NBN: variants seen among roughly 807,000 people sequenced by gnomAD.
NBN encodes nibrin, also known as Nijmegen breakage syndrome 1 (nibrin).
NBN carries 88 observed loss-of-function variants against 90.8 expected under a neutral mutation model. The observed-to-expected ratio is 0.97, with a 90% CI of 0.82 to 1.16. The LOEUF is 1.16. NBN is among the 50% of genes most tolerant of loss of function. The pLI is 0.00. For synonymous variants in NBN, 328 were observed against 295.1 expected, an observed-to-expected ratio of 1.11 and a Z score of -1.14; for missense variants, 894 against 869.6, an observed-to-expected ratio of 1.03 and a Z score of -0.35.
intron 3 of NBN, 50 bp from the exon 4 acceptor site, chr8:89,980,943 A>C: frequency 6.4e-7 from 1 of 1,553,294 alleles, no homozygotes; most frequent in Non-Finnish European, 8.8e-7. Context: ...AGTTGCAGAG[A>C]TGGCAATTTT....
chr8:89,982,295 A>T (rs980089661), intron 2 of NBN: 31 of 268,074 alleles, frequency 1.2e-4, no homozygotes, highest in Non-Finnish European at 1.9e-4. Context: ...ACACAGCTAC[A>T]TAACCTCTTT....
In NBN at chr8:89,935,406, C is replaced by T. The variant is rs565030924; in HGVS notation, c.*176G>A. 1 of 693,430 alleles carries T rather than the reference C, an allele frequency of 1.4e-6. No individual in the cohort carries two copies. The highest frequency in any genetic ancestry group is 1.9e-5 in the South Asian group (1 of 53,186). The allele number at this position is 693,430 out of a possible 1,614,324, so 43.0% of individuals were successfully genotyped here. ...GCAATGACAAAGCCTGAAAACAGAA[C>T]AAACAATTGTTACATACAAAAGAAT... On this transcript the variant is annotated 3_prime_UTR_variant, in exon 16 of 16. Coordinates refer to ENST00000265433, the MANE Select transcript of NBN (RefSeq NM_002485.5).
At chr8:89,943,502 G>A in intron 13 of NBN, 136 bp from the exon 14 acceptor site, 2 of 898,418 alleles carry the variant, frequency 2.2e-6, no homozygotes, top group Admixed American at 4.2e-5. Context: ...ATAAAAGTGA[G>A]AGCAGTAACT....
chr8:89,980,121 G>A (rs1811986834), intron 4 of NBN, among the ~76,000 whole-genome samples: 4 of 152,112 alleles, frequency 2.6e-5, no homozygotes, highest in Admixed American at 2.6e-4. Context: ...CTTGATTACA[G>A]ACAACCCCAC....
At chr8:89,981,582 G>T in intron 2 of NBN, 59 bp from the exon 3 acceptor site, 1 of 1,586,674 alleles carries the variant, frequency 6.3e-7, no homozygotes. Context: ...ACTTCTCAGA[G>T]AAAAAGTTTT....
chr8:89,967,390 A>G (rs1284098801), intron 7 of NBN, among the ~76,000 whole-genome samples: 1 of 152,224 alleles, frequency 6.6e-6, no homozygotes, highest in Non-Finnish European at 1.5e-5. Flanking sequence ...GGCTAGGGGT[A>G]ACCACGTAAG....
At chr8:89,964,795 A>C (rs563414113) in intron 7 of NBN, among the ~76,000 whole-genome samples, 84 of 152,180 alleles carry the variant, frequency 5.5e-4, no homozygotes, top group Non-Finnish European at 1.1e-3. Flanking sequence ...AAAAGAATAC[A>C]GTACTACCCA....
chr8:89,982,111 C>G, intron 2 of NBN: 1 of 348,056 alleles, frequency 2.9e-6, no homozygotes, highest in Non-Finnish European at 5.4e-6. Context: ...CCAGCGTTAT[C>G]ATGAGTACAG....
chr8:89,947,717 A>C (rs1267615763), intron 12 of NBN, 107 bp downstream of exon 12: 2 of 673,530 alleles, frequency 3.0e-6, no homozygotes, highest in Non-Finnish European at 5.5e-6. Context: ...GAAGTAAGCC[A>C]TAATTAGGAA....
At chr8:89,970,638 A>T (rs1811471941) in intron 6 of NBN, 81 bp from the exon 7 acceptor site, 13 of 1,367,726 alleles carry the variant, frequency 9.5e-6, no homozygotes, top group Non-Finnish European at 1.3e-5. Context: ...GGAAACATAG[A>T]AGTACAATTC....
Position 89,964,454 on chromosome 8 carries a change from A to G in NBN, c.950T>C (p.Met317Thr), listed in dbSNP as rs1586075983. ...AGGATCACAGTAATTCTTTGTAGTC[A>G]TGAAAATCACCGCCAATCCAATTTC... ...EAEIGLAVIF[M>T]TTKNYCDPQG... Residue 317 changes from methionine to threonine, a missense_variant, in exon 8 of 16, where the codon ATG becomes ACG. Transcript: ENST00000265433. 1.9e-6 allele frequency: 3 copies of G among 1,613,694 alleles called. No homozygotes were observed. Among genetic ancestry groups the G allele is most frequent in the South Asian group, 2.2e-5 (2 of 91,086 alleles).
At chr8:89,983,365 G>A (rs547306415) in intron 1 of NBN, among the ~76,000 whole-genome samples, 19 of 152,076 alleles carry the variant, frequency 1.2e-4, no homozygotes, top group African/African-American at 4.6e-4. Flanking sequence ...CCAGGGGATG[G>A]AGGTTGCAGT....
chr8:89,962,110 T>C (rs1294482322), intron 8 of NBN, among the ~76,000 whole-genome samples: 1 of 152,204 alleles, frequency 6.6e-6, no homozygotes, highest in African/African-American at 2.4e-5. Context: ...ACTATTCTAA[T>C]TTAGTGGTTT....
Position 89,981,448 on chromosome 8 carries a change from T to C in NBN, c.247A>G (p.Met83Val), listed in dbSNP as rs955258267. The C allele has an allele frequency of 6.2e-7, 1 of 1,614,042 alleles. No homozygotes were observed. The change falls in exon 3 of 16, where the codon ATG becomes GTG. Residue 83 changes from methionine (M) to valine (V), a missense_variant. Physicochemically the swap from Met to Val is conservative, Grantham distance 21. Coordinates refer to ENST00000265433, the MANE Select transcript of NBN (RefSeq NM_002485.5). ...KYGTFVNEEKMQNGFSRTLKS... is the reference protein window; with the variant it reads ...KYGTFVNEEKVQNGFSRTLKS... Reference sequence around the variant, plus strand: ...AAAGTTCGGGAAAAGCCATTCTGCATTTTTTCCTCATTAACAAAGGTACCA... The same window carrying C: ...AAAGTTCGGGAAAAGCCATTCTGCACTTTTTCCTCATTAACAAAGGTACCA...
intron 14 of NBN, chr8:89,937,457 A>T: frequency 4.3e-6 from 1 of 231,412 alleles, no homozygotes; most frequent in East Asian, 1.1e-4. Flanking sequence ...CAACTAGAGC[A>T]GCTCCACAGT....
chr8:89,955,452 T>C lies in NBN; in HGVS notation c.1228A>G (p.Ser410Gly), dbSNP rs1185542329. 6.2e-7 allele frequency: 1 copy of C among 1,613,908 alleles called. No homozygotes were observed. The highest frequency in any genetic ancestry group is 8.5e-7 in the Non-Finnish European group (1 of 1,179,854). The part of the protein sequence containing the change: ...APTVKESCKT[S>G]SNNNSMVSNT... ...GATACCATACTATTATTATTAGAGC[T>C]TGTTTTGCAGGACTCCTTTACAGTG... The change falls in exon 10 of 16, where the codon AGC becomes GGC. Residue 410 changes from serine to glycine, a missense_variant. Coordinates refer to ENST00000265433, the MANE Select transcript of NBN (RefSeq NM_002485.5).
At chr8:89,971,970 T>C (rs1003143668) in intron 5 of NBN, among the ~76,000 whole-genome samples, 1 of 152,230 alleles carries the variant, frequency 6.6e-6, no homozygotes, top group African/African-American at 2.4e-5. Flanking sequence ...TCAGATCTTT[T>C]GCTACAGCTG....
intron 4 of NBN, among the ~76,000 whole-genome samples, chr8:89,978,840 C>T (rs938061997): frequency 6.6e-6 from 1 of 151,762 alleles, no homozygotes; most frequent in Non-Finnish European, 1.5e-5. Context: ...AAAATAAGTA[C>T]ATATAAAGTG....
intron 14 of NBN, among the ~76,000 whole-genome samples, chr8:89,942,498 AC>A (rs1465593636): frequency 6.6e-6 from 1 of 152,228 alleles, no homozygotes; most frequent in African/African-American, 2.4e-5. Flanking sequence ...AAACTTGAAA[AC>A]AAGGTACATA....
Sources: gnomAD v4.1 joint callset for allele counts (sites outside exome capture counted in the v4.1 genomes callset) on GRCh38, gnomAD v4.1.1 for gene constraint, MANE v1.5 for transcripts, NCBI Gene and HGNC (gene_info 2026-07-23, HGNC 2026-07-21) for gene names.